The following KCNK5 variants were observed in gnomAD, a reference collection of about 807,000 sequenced individuals.
KCNK5 encodes potassium two pore domain channel subfamily K member 5, also known as potassium channel subfamily K member 5.
Under a neutral mutation model 32.9 loss-of-function variants are expected in KCNK5, and 18 were observed. That is an observed-to-expected ratio of 0.55 (90% CI 0.38 to 0.81). The LOEUF (loss-of-function observed/expected upper bound fraction) is 0.81. Ranked by LOEUF, KCNK5 falls within the 30% of genes least tolerant of loss-of-function variation. The probability of loss-of-function intolerance (pLI) is 0.00; values close to 1 mark genes in which losing one functional copy is unlikely to be tolerated. For missense variants in KCNK5, 507 were observed against 651.0 expected, an observed-to-expected ratio of 0.78 and a Z score of 2.41; for synonymous variants, 276 against 275.3, an observed-to-expected ratio of 1.00 and a Z score of -0.03.
intron 1 of KCNK5, among the ~76,000 whole-genome samples, chr6:39,222,651 C>T (rs1479531863): frequency 6.6e-6 from 1 of 152,204 alleles, no homozygotes; most frequent in Admixed American, 6.5e-5. Flanking sequence ...AGCCACCATC[C>T]CCATCCCTTT....
At position 39,229,174 on chromosome 6, in the gene KCNK5, C is replaced by T. The variant is rs1437091320; in HGVS notation, c.-63G>A. ...TAGCCCCAGCTGCTACCAGTCCGCC[C>T]GCCCTCCAGCCTCTGAAAACAGCTG... On this transcript the variant is annotated 5_prime_UTR_variant, in exon 1 of 5. Coordinates refer to ENST00000359534, the MANE Select transcript of KCNK5 (RefSeq NM_003740.4). 1 of 1,543,316 alleles carries T rather than the reference C, an allele frequency of 6.5e-7. No homozygotes were observed. Among genetic ancestry groups the T allele is most frequent in the Non-Finnish European group, 8.9e-7 (1 of 1,128,940 alleles).
In KCNK5 at chr6:39,190,706, C is replaced by T. The variant is rs947892405; in HGVS notation, c.*184G>A. ...GCCAGGGTATGGTTCAGCTGGAGAA[C>T]AGAGGCCCTGTCCCGGGCATACATC... is the stretch of plus-strand genomic sequence containing the variant. On this transcript the variant is annotated 3_prime_UTR_variant, in exon 5 of 5. Coordinates refer to ENST00000359534, the MANE Select transcript of KCNK5 (RefSeq NM_003740.4). 3.7e-6 allele frequency: 2 copies of T among 539,056 alleles called. No homozygotes were observed. The highest frequency in any genetic ancestry group is 3.1e-6 in the Non-Finnish European group (1 of 323,504). 33.4% of individuals were successfully genotyped at this position (539,056 alleles called of 1,614,324 possible).
rs1771726060 is a variant in KCNK5, at chr6:39,229,167, G to C, written c.-56C>G. ...CCTCTCCTAGCCCCAGCTGCTACCAGTCCGCCCGCCCTCCAGCCTCTGAAA... is the reference window on the plus strand; with the variant it reads ...CCTCTCCTAGCCCCAGCTGCTACCACTCCGCCCGCCCTCCAGCCTCTGAAA... On this transcript the variant is annotated 5_prime_UTR_variant, in exon 1 of 5. Coordinates refer to ENST00000359534, the MANE Select transcript of KCNK5 (RefSeq NM_003740.4). 2 of 1,571,498 alleles carry C rather than the reference G, an allele frequency of 1.3e-6. No homozygotes were observed. The highest frequency in any genetic ancestry group is 3.5e-5 in the Admixed American group (2 of 57,848).
At chr6:39,228,325 G>A (rs985394923) in intron 1 of KCNK5, among the ~76,000 whole-genome samples, 2 of 152,294 alleles carry the variant, frequency 1.3e-5, no homozygotes, top group African/African-American at 4.8e-5. Flanking sequence ...AAGCCTGAGC[G>A]CGTCCCCAGC....
In KCNK5 at chr6:39,195,987, C is replaced by T. The variant is rs988562866; in HGVS notation, c.187G>A (p.Val63Met). 3 of 1,608,716 alleles carry T rather than the reference C, an allele frequency of 1.9e-6. No individual in the cohort carries two copies. The highest frequency in any genetic ancestry group is 1.3e-5 in the African/African-American group (1 of 74,802). Residue 63 changes from valine to methionine, a missense_variant and splice_region_variant, in exon 2 of 5, where the codon GTG becomes ATG. Physicochemically the swap from Val to Met is conservative, Grantham distance 21. Transcript: ENST00000359534. ...CCCTGTCCTGCAGCATCAGATACCA[C>T]CTAAAATGAGAAACAGTAAAGGTCA... ...GQEGLDKILEVVSDAAGQGVA... is the reference protein window; with the variant it reads ...GQEGLDKILEMVSDAAGQGVA...
intron 1 of KCNK5, among the ~76,000 whole-genome samples, chr6:39,196,477 A>G (rs1046838348): frequency 6.6e-6 from 1 of 152,200 alleles, no homozygotes; most frequent in African/African-American, 2.4e-5. Context: ...CCAGCCCTCC[A>G]TGGAGGGTGT....
intron 1 of KCNK5, among the ~76,000 whole-genome samples, chr6:39,221,212 C>A (rs908027457): frequency 1.3e-5 from 2 of 152,160 alleles, no homozygotes; most frequent in African/African-American, 4.8e-5. Flanking sequence ...CAGAGGGTGG[C>A]TGCCATGATT....
In KCNK5 at chr6:39,189,115, G is replaced by C. The variant is rs1770871426; in HGVS notation, c.*1775C>G. 6.6e-6 allele frequency: 1 copy of C among 152,294 alleles called. No homozygotes were observed. Among genetic ancestry groups the C allele is most frequent in the Non-Finnish European group, 1.5e-5 (1 of 68,080 alleles). 9.4% of individuals were successfully genotyped at this position (152,294 alleles called of 1,614,324 possible). A position where few individuals can be genotyped will look rare whatever the true frequency, so the allele number is the denominator to read the frequency against. On this transcript the variant is annotated 3_prime_UTR_variant, in exon 5 of 5. Transcript: ENST00000359534. ...TAAAACATTTCACAGAAAAATACGA[G>C]GCTGCTCCTTTTCAGGCCCCTGCTG...
intron 1 of KCNK5, among the ~76,000 whole-genome samples, chr6:39,224,477 C>G (rs1200827072): frequency 1.3e-5 from 2 of 152,088 alleles, no homozygotes; most frequent in Admixed American, 1.3e-4. Flanking sequence ...ATCTGGGGAG[C>G]AGGATTGGTG....
At position 39,200,252 on chromosome 6, in the gene KCNK5, C is replaced by T. The variant is rs1771115152; in HGVS notation, c.187-4265G>A. Among the ~76,000 whole-genome samples, 6 of 152,260 alleles carry T rather than the reference C, an allele frequency of 3.9e-5. No homozygotes were observed. The South Asian group carries it at 1.2e-3, about 32-fold the overall frequency. On this transcript the variant is annotated intron_variant, in intron 1 of 4. Coordinates refer to ENST00000359534, the MANE Select transcript of KCNK5 (RefSeq NM_003740.4). The stretch of plus-strand genomic sequence containing the variant: ...ACAATATTTTCATTTTCCATACAAG[C>T]CTGGAGAGTAATGGGAAAAGGGGAG...
chr6:39,220,639 A>G (rs1292958685), intron 1 of KCNK5, among the ~76,000 whole-genome samples: 2 of 152,306 alleles, frequency 1.3e-5, no homozygotes, highest in Non-Finnish European at 1.5e-5. Flanking sequence ...TTTGCAGGAC[A>G]CAGAAAACAG....
At chr6:39,207,358 G>A (rs1311835779) in intron 1 of KCNK5, among the ~76,000 whole-genome samples, 1 of 152,202 alleles carries the variant, frequency 6.6e-6, no homozygotes, top group Non-Finnish European at 1.5e-5. Flanking sequence ...TCACAGAACA[G>A]AACCTAGCTC....
chr6:39,224,510 A>G (rs1771616048), intron 1 of KCNK5, among the ~76,000 whole-genome samples: 1 of 152,200 alleles, frequency 6.6e-6, no homozygotes, highest in African/African-American at 2.4e-5. Flanking sequence ...CAGAACCTCA[A>G]AATTGGAACT....
chr6:39,199,567 G>C (rs1771094286), intron 1 of KCNK5, among the ~76,000 whole-genome samples: 1 of 152,196 alleles, frequency 6.6e-6, no homozygotes, highest in South Asian at 2.1e-4. Context: ...CCCAGTGGTG[G>C]CAATTACACC....
chr6:39,196,840 G>A (rs1009738557), intron 1 of KCNK5, among the ~76,000 whole-genome samples: 1 of 152,240 alleles, frequency 6.6e-6, no homozygotes, highest in African/African-American at 2.4e-5. Flanking sequence ...CAGGTGAGAG[G>A]CCACCTGGGG....
intron 1 of KCNK5, among the ~76,000 whole-genome samples, chr6:39,200,723 G>A (rs1343973392): frequency 6.6e-6 from 1 of 152,190 alleles, no homozygotes; most frequent in African/African-American, 2.4e-5. Flanking sequence ...ACAGCCATGT[G>A]TGCCCTTGCC....
chr6:39,209,594 A>G (rs1057066093), intron 1 of KCNK5, among the ~76,000 whole-genome samples: 2 of 152,246 alleles, frequency 1.3e-5, no homozygotes, highest in African/African-American at 4.8e-5. Context: ...AGGCCAGGCA[A>G]CAGGAAATGG....
intron 1 of KCNK5, among the ~76,000 whole-genome samples, chr6:39,213,517 A>T (rs1400220205): frequency 6.6e-6 from 1 of 152,190 alleles, no homozygotes; most frequent in Non-Finnish European, 1.5e-5. Flanking sequence ...CACCAAATGG[A>T]AGCACCAGGT....
At chr6:39,224,086 C>CT (rs10664461) in intron 1 of KCNK5, among the ~76,000 whole-genome samples, 21,512 of 142,272 alleles carry the variant, frequency 0.15, 2,113 homozygotes, top group African/African-American at 0.27. Context: ...CAGACTAAGG[C>CT]TTTTTTTTTT....
Sources: allele counts gnomAD v4.1 joint callset (sites outside exome capture counted in the v4.1 genomes callset), GRCh38; gene constraint gnomAD v4.1.1; transcripts MANE v1.5; gene names NCBI Gene and HGNC (gene_info 2026-07-23, HGNC 2026-07-21).